Variants in MYO1C observed in about 807,000 individuals in gnomAD.
MYO1C encodes the protein myosin IC, also known as unconventional myosin-Ic.
In MYO1C, 104 loss-of-function variants were observed where a neutral mutation model predicts 150.8. The ratio of observed to expected loss-of-function variants is 0.69; its 90% CI spans 0.59 to 0.81. The LOEUF (loss-of-function observed/expected upper bound fraction) is 0.81. Ranked by LOEUF, MYO1C falls within the 30% of genes least tolerant of loss-of-function variation. The pLI is 0.00. For synonymous variants in MYO1C, 663 were observed against 579.9 expected (o/e 1.14, Z -2.06); for missense variants, 1,504 against 1,435.0 (o/e 1.05, Z -0.78).
chr17:1,474,774 T>TCCCCCCCCCCCCCCCCCCCC, intron 16 of MYO1C, 38 bp downstream of exon 16: 10 of 1,597,362 alleles, frequency 6.3e-6, no homozygotes, highest in South Asian at 1.1e-5. Flanking sequence ...CTGTGGGCTA[T>TCCCCCCCCCCCCCCCCCCCC]CCCCACCCCC....
In MYO1C at chr17:1,465,564, G is replaced by T; in HGVS notation, c.*162C>A. 1 of 775,694 alleles carries T rather than the reference G, an allele frequency of 1.3e-6. No individual in the cohort carries two copies. 48.1% of individuals were successfully genotyped at this position (775,694 alleles called of 1,614,324 possible). A position where few individuals can be genotyped will look rare whatever the true frequency, so the allele number is the denominator to read the frequency against. ...ACTCCTGGGGTAGCTCCTGGCCCCTGCTGCTCCCTCAAGAGAGGGATGGGC... is the reference window on the plus strand; with the variant it reads ...ACTCCTGGGGTAGCTCCTGGCCCCTTCTGCTCCCTCAAGAGAGGGATGGGC... On this transcript the variant is annotated 3_prime_UTR_variant, in exon 32 of 32. Transcript: ENST00000648651.
chr17:1,487,890 C>T (rs1009441325), intron 1 of MYO1C, among the ~76,000 whole-genome samples: 6 of 152,194 alleles, frequency 3.9e-5, no homozygotes, highest in African/African-American at 1.4e-4. Flanking sequence ...CACTGCACTC[C>T]AGCCTGGGCG....
Position 1,467,597 on chromosome 17 carries a change from G to A in MYO1C, c.2968-20C>T. On this transcript the variant is annotated intron_variant, in intron 29 of 31. Transcript: ENST00000648651. ...ATCTCCCTGGGGGGCCAGGCAGGAG[G>A]AGGGGTCAGGCCCTGCCCAGAACTT... The A allele has an allele frequency of 6.2e-7, 1 of 1,609,468 alleles. No homozygotes were observed.
chr17:1,478,080 C>G lies in MYO1C; in HGVS notation c.1401+7G>C. The G allele has an allele frequency of 6.2e-7, 1 of 1,614,004 alleles. No homozygotes were observed. Among genetic ancestry groups the G allele is most frequent in the Non-Finnish European group, 8.5e-7 (1 of 1,179,982 alleles). ...CCCACGGAGAGTGCCCCCAGGCTAG[C>G]ACACACCGCGATGCCCTCTGCCTCG... On this transcript the variant is annotated splice_region_variant and intron_variant, in intron 12 of 31. Transcript: ENST00000648651. The surrounding 1 kb of genome is among the most constrained non-coding windows in gnomAD (Gnocchi z 6.3).
intron 31 of MYO1C, among the ~76,000 whole-genome samples, chr17:1,466,895 G>A (rs2074183261): frequency 6.6e-6 from 1 of 152,108 alleles, no homozygotes; most frequent in Non-Finnish European, 1.5e-5. Flanking sequence ...CCAAAGTGCT[G>A]GGATTAAAGG....
chr17:1,465,594 G>A lies in MYO1C; in HGVS notation c.*132C>T, dbSNP rs2074153198. 2.1e-6 allele frequency: 2 copies of A among 950,754 alleles called. No homozygotes were observed. The highest frequency in any genetic ancestry group is 3.7e-5 in the South Asian group (1 of 27,054). 58.9% of individuals were successfully genotyped at this position (950,754 alleles called of 1,614,324 possible). A position where few individuals can be genotyped will look rare whatever the true frequency, so the allele number is the denominator to read the frequency against. ...TCCCTCAAGAGAGGGATGGGCAGGAGGTGGGAGATTGCAGGTGGGCTTCGG... is the reference window on the plus strand; with the variant it reads ...TCCCTCAAGAGAGGGATGGGCAGGAAGTGGGAGATTGCAGGTGGGCTTCGG... On this transcript the variant is annotated 3_prime_UTR_variant, in exon 32 of 32. Transcript: ENST00000648651.
In MYO1C at chr17:1,485,029, G is replaced by A. The variant is rs192108192; in HGVS notation, c.76-726C>T. On this transcript the variant is annotated intron_variant, in intron 1 of 31. Transcript: ENST00000648651. ...ACGCGGGGGAGGCCCTCCCTCGCATGGCTGGGGCCACTCCCTTTCCTCCAG... is the reference window on the plus strand; with the variant it reads ...ACGCGGGGGAGGCCCTCCCTCGCATAGCTGGGGCCACTCCCTTTCCTCCAG... 9.2e-5 allele frequency: 98 copies of A among 1,069,310 alleles called. 1 individual carries two copies. The East Asian group carries it at 4.9e-3, about 53-fold the overall frequency. The allele number at this position is 1,069,310 out of a possible 1,614,324, so 66.2% of individuals were successfully genotyped here.
chr17:1,473,942 G>A (rs140752132), intron 17 of MYO1C, among the ~76,000 whole-genome samples: 48 of 152,200 alleles, frequency 3.2e-4, no homozygotes, highest in African/African-American at 1.0e-3. Flanking sequence ...CCCACTCATT[G>A]TGGTACCTCA....
chr17:1,482,090 AAGCTGG>A (rs2074534842), intron 5 of MYO1C, among the ~76,000 whole-genome samples: 1 of 152,044 alleles, frequency 6.6e-6, no homozygotes, highest in Admixed American at 6.6e-5. Context: ...TCCGTAGCCC[AAGCTGG>A]AGTACAGTGG....
Position 1,478,200 on chromosome 17 carries a change from G to A in MYO1C, c.1296-8C>T. On this transcript the variant is annotated splice_polypyrimidine_tract_variant and splice_region_variant and intron_variant, in intron 11 of 31. Coordinates refer to ENST00000648651, the MANE Select transcript of MYO1C (RefSeq NM_001080779.2). This position sits in a 1 kb window ranked among gnomAD's most constrained non-coding sequence, Gnocchi z 6.3. ...ATGCAGAACTGCTCAAAGCTGTAAG[G>A]AAGGAGAAGAGCCCACAGTGGCTCA... 1 of 1,613,106 alleles carries A rather than the reference G, an allele frequency of 6.2e-7. No individual in the cohort carries two copies. Among genetic ancestry groups the A allele is most frequent in the Non-Finnish European group, 8.5e-7 (1 of 1,179,632 alleles).
chr17:1,489,517 A>G (rs978475811), intron 1 of MYO1C, among the ~76,000 whole-genome samples: 3 of 152,088 alleles, frequency 2.0e-5, no homozygotes, highest in African/African-American at 7.2e-5. Flanking sequence ...TGCCTCCACT[A>G]AAATTTTTTT....
chr17:1,470,980 G>C, intron 21 of MYO1C, 91 bp downstream of exon 21: 5 of 1,366,252 alleles, frequency 3.7e-6, no homozygotes, highest in Non-Finnish European at 5.2e-6. Flanking sequence ...ATAGGGAGGG[G>C]TGGACTCCCT....
intron 1 of MYO1C, among the ~76,000 whole-genome samples, chr17:1,487,956 A>G (rs1236772392): frequency 6.6e-6 from 1 of 152,166 alleles, no homozygotes; most frequent in African/African-American, 2.4e-5. Flanking sequence ...TAGAGGGAGC[A>G]AGGAGGCGAC....
In MYO1C at chr17:1,468,216, C is replaced by T. The variant is rs113467106; in HGVS notation, c.2760+37G>A. 8,128 of 1,611,998 alleles carry T rather than the reference C, an allele frequency of 5.0e-3. 28 individuals are homozygous for T. Among genetic ancestry groups the T allele is most frequent in the Non-Finnish European group, 5.9e-3 (7,016 of 1,179,600 alleles). ...GCCTTCAGCTCTCAGGCAGTAGCAC[C>T]GTGCTGCTGGACTCAGGGCTGCAGG... On this transcript the variant is annotated intron_variant, in intron 27 of 31. Coordinates refer to ENST00000648651, the MANE Select transcript of MYO1C (RefSeq NM_001080779.2).
chr17:1,476,190 T>TG (rs913857069), intron 14 of MYO1C, among the ~76,000 whole-genome samples: 1 of 152,078 alleles, frequency 6.6e-6, no homozygotes, highest in Non-Finnish European at 1.5e-5. Flanking sequence ...GTCTTTTTTT[T>TG]TTTTTTGAGA....
chr17:1,466,627 CT>C (rs35026657), intron 31 of MYO1C, among the ~76,000 whole-genome samples: 61,636 of 132,456 alleles, frequency 0.47, 13,374 homozygotes, highest in South Asian at 0.51. Context: ...TGTGCCTGGC[CT>C]TTTTTTTTTT....
intron 5 of MYO1C, 117 bp from the exon 6 acceptor site, chr17:1,481,002 C>CTT: frequency 8.8e-7 from 1 of 1,141,896 alleles, no homozygotes. Context: ...CCAATTCCAG[C>CTT]CCTGCCACTA....
At position 1,469,567 on chromosome 17, in the gene MYO1C, T is replaced by G. The variant is rs61753652; in HGVS notation, c.2574A>C (p.Lys858Asn). 8.0e-3 allele frequency: 12,868 copies of G among 1,613,350 alleles called. 74 individuals carry two copies. Among genetic ancestry groups the G allele is most frequent in the Non-Finnish European group, 9.4e-3 (11,073 of 1,179,774 alleles). ...RELCIKNMVWKYCRSISPEWK... is the reference protein window; with the variant it reads ...RELCIKNMVWNYCRSISPEWK... ...ACTCAGGGCTGATACTCCGGCAGTA[T>G]TTCCACACCATGTTCTTTATGCACA... Residue 858 changes from lysine (K) to asparagine (N), a missense_variant, in exon 25 of 32, where the codon AAA becomes AAC. Transcript: ENST00000648651.
At chr17:1,480,934 A>G (rs779829818) in intron 5 of MYO1C, 49 bp from the exon 6 acceptor site, 17 of 1,597,786 alleles carry the variant, frequency 1.1e-5, no homozygotes, top group Non-Finnish European at 1.5e-5. Flanking sequence ...CTGGGAAAAG[A>G]GCCCACCTGC....
Sources: gnomAD v4.1 joint callset for allele counts (sites outside exome capture counted in the v4.1 genomes callset) on GRCh38, gnomAD v4.1.1 for gene constraint, Gnocchi (gnomAD v3.1) non-coding constraint, MANE v1.5 for transcripts, NCBI Gene and HGNC (gene_info 2026-07-23, HGNC 2026-07-21) for gene names.